Variants in LOC400499 observed in about 807,000 individuals in gnomAD.
chr16:11,372,785 A>G, the LOC400499 span: 4 of 921,760 alleles, frequency 4.3e-6, no homozygotes, highest in Non-Finnish European at 5.2e-6. Context: ...GCCCCTGAGG[A>G]GAGGGGCCCC....
chr16:11,424,475 G>C, the LOC400499 span: 7 of 398,142 alleles, frequency 1.8e-5, no homozygotes, highest in Non-Finnish European at 2.7e-5. Context: ...AGCATCCCCT[G>C]AGCCCCATAG....
chr16:11,462,821 C>T, the LOC400499 span, among the ~76,000 whole-genome samples: 1 of 152,062 alleles, frequency 6.6e-6, no homozygotes, highest in African/African-American at 2.4e-5. Context: ...CCTTGACATC[C>T]CCCTCATTCA....
At chr16:11,455,277 A>G in the LOC400499 span, among the ~76,000 whole-genome samples, 7,312 of 152,288 alleles carry the variant, frequency 0.048, 628 homozygotes, top group African/African-American at 0.17. Flanking sequence ...AAGGGGCACC[A>G]ATCTAAGAGT....
the LOC400499 span, among the ~76,000 whole-genome samples, chr16:11,447,775 G>C: frequency 6.6e-6 from 1 of 152,106 alleles, no homozygotes; most frequent in Admixed American, 6.5e-5. Flanking sequence ...GCTTTCAGGG[G>C]AGGTGGCTCT....
chr16:11,463,451 G>A, the LOC400499 span, among the ~76,000 whole-genome samples: 1 of 141,952 alleles, frequency 7.0e-6, no homozygotes, highest in Admixed American at 7.0e-5. Flanking sequence ...TGTATACAGG[G>A]GTGTGTGTAT....
chr16:11,383,357 G>A, the LOC400499 span, among the ~76,000 whole-genome samples: 8 of 152,126 alleles, frequency 5.3e-5, no homozygotes, highest in Admixed American at 3.3e-4. Flanking sequence ...GTGAGCCACC[G>A]TGCCCAGCCT....
At chr16:11,517,145 C>T in the LOC400499 span, among the ~76,000 whole-genome samples, 20 of 152,258 alleles carry the variant, frequency 1.3e-4, no homozygotes, top group East Asian at 3.9e-3. Context: ...GTCGACACCA[C>T]ACCCAGACAA....
At chr16:11,468,120 A>G in the LOC400499 span, among the ~76,000 whole-genome samples, 5 of 128,622 alleles carry the variant, frequency 3.9e-5, no homozygotes, top group Middle Eastern at 4.1e-3. Flanking sequence ...AAAAACAACA[A>G]TAACAACAAA....
At chr16:11,398,599 G>C in the LOC400499 span, 1 of 999,602 alleles carries the variant, frequency 1.0e-6, no homozygotes, top group Non-Finnish European at 1.3e-6. Context: ...CTAGGCAAGA[G>C]CATGTGCCAG....
At chr16:11,467,067 C>G in the LOC400499 span, 4 of 155,360 alleles carry the variant, frequency 2.6e-5, no homozygotes, top group African/African-American at 9.7e-5. Flanking sequence ...ATTCTTCTGC[C>G]TCAGCCTCCC....
the LOC400499 span, chr16:11,372,369 T>G: frequency 6.6e-6 from 1 of 152,226 alleles, no homozygotes. Context: ...AGCAGTGGCT[T>G]CCCAAATGGC....
At chr16:11,476,202 GGGA>G in the LOC400499 span, among the ~76,000 whole-genome samples, 1 of 152,030 alleles carries the variant, frequency 6.6e-6, no homozygotes, top group African/African-American at 2.4e-5. Context: ...GATGCGAGGA[GGGA>G]GGAGGGAGAT....
At chr16:11,448,065 CT>C in the LOC400499 span, 28 of 1,534,622 alleles carry the variant, frequency 1.8e-5, 1 homozygote, top group Admixed American at 5.3e-4. Context: ...ACACCTGGGT[CT>C]TCCGGGGCTG....
At chr16:11,516,822 C>A in the LOC400499 span, among the ~76,000 whole-genome samples, 1 of 152,074 alleles carries the variant, frequency 6.6e-6, no homozygotes, top group Non-Finnish European at 1.5e-5. Flanking sequence ...AATTTTTAAA[C>A]CTTTTGTAGA....
chr16:11,450,223 C>T, the LOC400499 span, among the ~76,000 whole-genome samples: 1 of 152,368 alleles, frequency 6.6e-6, no homozygotes, highest in South Asian at 2.1e-4. Flanking sequence ...CTGCACCAAA[C>T]GTGTGCAGAG....
the LOC400499 span, chr16:11,384,406 G>A: frequency 1.3e-6 from 1 of 754,564 alleles, no homozygotes; most frequent in Non-Finnish European, 1.8e-6. Flanking sequence ...CTCAGGACCT[G>A]TGTGTGAGAT....
chr16:11,418,080 G>A, the LOC400499 span, among the ~76,000 whole-genome samples: 1 of 152,220 alleles, frequency 6.6e-6, no homozygotes, highest in African/African-American at 2.4e-5. Flanking sequence ...AAGTGGGGCA[G>A]GCAGGGGAGA....
At chr16:11,405,344 G>A in the LOC400499 span, among the ~76,000 whole-genome samples, 9 of 152,210 alleles carry the variant, frequency 5.9e-5, no homozygotes, top group Non-Finnish European at 1.2e-4. Flanking sequence ...GAGTGCCTGG[G>A]TACAAAGCTA....
chr16:11,519,063 C>T, the LOC400499 span: 3 of 398,178 alleles, frequency 7.5e-6, no homozygotes, highest in South Asian at 3.9e-4. Flanking sequence ...TAGGGCCCTG[C>T]AGGATACATG....
Sources: allele counts gnomAD v4.1 joint callset (sites outside exome capture counted in the v4.1 genomes callset), GRCh38; gene constraint gnomAD v4.1.1; transcripts MANE v1.5.